ZFYVE27: variants seen among roughly 807,000 people sequenced by gnomAD.
The protein encoded by ZFYVE27 is protrudin.
Under a neutral mutation model 52.8 loss-of-function variants are expected in ZFYVE27, and 36 were observed. That is an observed-to-expected ratio of 0.68 (90% CI 0.52 to 0.90). The LOEUF (loss-of-function observed/expected upper bound fraction) is 0.90, where lower values mean the gene tolerates loss of function less well. Ranked by LOEUF, ZFYVE27 falls within the 40% of genes least tolerant of loss-of-function variation. ZFYVE27 has a pLI of 0.00. For synonymous variants in ZFYVE27, 223 were observed against 215.6 expected (o/e 1.03, Z -0.30); for missense variants, 450 against 527.2 (o/e 0.85, Z 1.43).
chr10:97,753,049 G>A lies in ZFYVE27; in HGVS notation c.909G>A (p.Glu303=), dbSNP rs753887094. The part of the protein sequence containing the change: ...ETHLVVLEDD[E]GAPCPAEDEL... ...AGCTGTTCCCACAGGAGGATGATGAGGGCGCCCCGTGCCCAGCAGAGGATG... is the reference window on the plus strand; with the variant it reads ...AGCTGTTCCCACAGGAGGATGATGAAGGCGCCCCGTGCCCAGCAGAGGATG... The change falls in exon 10 of 13, where the codon GAG becomes GAA. Residue 303 remains glutamate, a synonymous_variant. Coordinates refer to ENST00000684270, the MANE Select transcript of ZFYVE27 (RefSeq NM_001385875.1). 2 of 1,612,262 alleles carry A rather than the reference G, an allele frequency of 1.2e-6. No individual in the cohort carries two copies. The highest frequency in any genetic ancestry group is 1.7e-5 in the Admixed American group (1 of 59,708).
intron 2 of ZFYVE27, among the ~76,000 whole-genome samples, chr10:97,740,473 TTGTA>T (rs2043322407): frequency 6.6e-6 from 1 of 152,232 alleles, no homozygotes; most frequent in Non-Finnish European, 1.5e-5. Context: ...GGCACATTCT[TTGTA>T]TGTGTGTGTT....
In ZFYVE27 at chr10:97,745,547, G is replaced by C. The variant is rs1466202177; in HGVS notation, c.455+632G>C. On this transcript the variant is annotated intron_variant, in intron 4 of 12. Coordinates refer to ENST00000684270, the MANE Select transcript of ZFYVE27 (RefSeq NM_001385875.1). ...ATGTGCATGTATAAGCCACTGCCTG[G>C]GTTCAAATCCCAGCTCTTCCATTTA... is the stretch of plus-strand genomic sequence containing the variant. 3.3e-5 allele frequency among the ~76,000 whole-genome samples: 5 copies of C among 152,148 alleles called. No individual in the cohort carries two copies. The South Asian group carries it at 8.3e-4, about 25-fold the overall frequency.
intron 8 of ZFYVE27, 83 bp from the exon 9 acceptor site, chr10:97,752,774 G>A: frequency 4.6e-6 from 7 of 1,516,410 alleles, no homozygotes; most frequent in Non-Finnish European, 5.4e-6. Flanking sequence ...CCTTCTGCTT[G>A]GGGGCCCCTC....
In ZFYVE27 at chr10:97,737,914, G is replaced by A. The variant is rs72835972; in HGVS notation, c.-1-563G>A. On this transcript the variant is annotated intron_variant, in intron 1 of 12. Coordinates refer to ENST00000684270, the MANE Select transcript of ZFYVE27 (RefSeq NM_001385875.1). ...CGGTATTTCATTCACTCATTCAGCA[G>A]GCATTTGTTAAGCACCCACTGTGTA... is the stretch of plus-strand genomic sequence containing the variant. Among the ~76,000 whole-genome samples the A allele has an allele frequency of 2.0e-5, 3 of 152,244 alleles. No individual in the cohort carries two copies. In the East Asian group the frequency reaches 5.8e-4, roughly 29 times the overall value.
rs1242876900 is a variant in ZFYVE27 at position 97,759,320 on chromosome 10, A to G, written c.*20A>G. Reference sequence around the variant, plus strand: ...AAGTGAGAAGAGAGGCCAGGGTCCAACCAGGCACCCGTCCTTGGGACCAGC... The same window carrying G: ...AAGTGAGAAGAGAGGCCAGGGTCCAGCCAGGCACCCGTCCTTGGGACCAGC... On this transcript the variant is annotated 3_prime_UTR_variant, in exon 13 of 13. Coordinates refer to ENST00000684270, the MANE Select transcript of ZFYVE27 (RefSeq NM_001385875.1). The G allele has an allele frequency of 8.1e-6, 13 of 1,613,916 alleles. No individual in the cohort carries two copies. Among genetic ancestry groups the G allele is most frequent in the Non-Finnish European group, 1.1e-5 (13 of 1,179,950 alleles).
intron 4 of ZFYVE27, 135 bp downstream of exon 4, chr10:97,745,050 G>A (rs1235631977): frequency 4.7e-6 from 5 of 1,067,810 alleles, no homozygotes; most frequent in Admixed American, 2.1e-5. Flanking sequence ...TAACAGTTCC[G>A]GGAGGTAGTT....
intron 4 of ZFYVE27, among the ~76,000 whole-genome samples, chr10:97,746,568 G>A (rs1346999866): frequency 6.6e-6 from 1 of 152,164 alleles, no homozygotes; most frequent in East Asian, 1.9e-4. Context: ...AATATCCACA[G>A]AGCTGTAATC....
Position 97,753,031 on chromosome 10 carries a change from C to T in ZFYVE27, c.898-7C>T. On this transcript the variant is annotated splice_polypyrimidine_tract_variant and splice_region_variant and intron_variant, in intron 9 of 12. Coordinates refer to ENST00000684270, the MANE Select transcript of ZFYVE27 (RefSeq NM_001385875.1). ...GTGGGCAGGACTGGAAGGAGCTGTT[C>T]CCACAGGAGGATGATGAGGGCGCCC... 6.2e-7 allele frequency: 1 copy of T among 1,612,718 alleles called. No homozygotes were observed. Among genetic ancestry groups the T allele is most frequent in the Non-Finnish European group, 8.5e-7 (1 of 1,179,516 alleles).
At chr10:97,751,495 G>T (rs752760824) in intron 8 of ZFYVE27, 33 bp downstream of exon 8, 2 of 1,609,502 alleles carry the variant, frequency 1.2e-6, no homozygotes, top group South Asian at 2.2e-5. Context: ...CCTCTACTCA[G>T]CAGGCCAGAA....
intron 6 of ZFYVE27, 55 bp from the exon 7 acceptor site, chr10:97,750,276 G>A: frequency 6.2e-7 from 1 of 1,608,048 alleles, no homozygotes; most frequent in Non-Finnish European, 8.5e-7. Flanking sequence ...CCCCTAAAGT[G>A]CCACTCACGG....
intron 10 of ZFYVE27, among the ~76,000 whole-genome samples, chr10:97,756,437 G>A (rs1467073548): frequency 6.6e-6 from 1 of 152,120 alleles, no homozygotes; most frequent in African/African-American, 2.4e-5. Context: ...AAAGCTTTGG[G>A]GCCTTTCTGT....
intron 2 of ZFYVE27, among the ~76,000 whole-genome samples, chr10:97,741,869 G>A (rs1039245352): frequency 3.9e-5 from 6 of 152,140 alleles, no homozygotes; most frequent in Admixed American, 2.6e-4. Flanking sequence ...GGTAGCTTAC[G>A]CCTTTAATCC....
intron 6 of ZFYVE27, 129 bp from the exon 7 acceptor site, chr10:97,750,202 G>A: frequency 6.6e-6 from 8 of 1,205,130 alleles, no homozygotes; most frequent in Non-Finnish European, 9.6e-6. Context: ...CTCGCTCAGA[G>A]TTAGGAGGGT....
intron 2 of ZFYVE27, among the ~76,000 whole-genome samples, chr10:97,740,366 G>T (rs1287660626): frequency 6.6e-6 from 1 of 152,228 alleles, no homozygotes; most frequent in Non-Finnish European, 1.5e-5. Context: ...CTTCCCACAA[G>T]GGGTAGGGAG....
At chr10:97,751,196 A>G (rs1406148537) in intron 7 of ZFYVE27, among the ~76,000 whole-genome samples, 195 bp from the exon 8 acceptor site, 4 of 152,270 alleles carry the variant, frequency 2.6e-5, no homozygotes, top group Admixed American at 2.0e-4. Flanking sequence ...CTGTAGGGCC[A>G]GCTGTGCTCG....
At chr10:97,739,896 T>TTTG (rs1394679069) in intron 2 of ZFYVE27, among the ~76,000 whole-genome samples, 3 of 151,832 alleles carry the variant, frequency 2.0e-5, no homozygotes, top group African/African-American at 4.8e-5. Flanking sequence ...TTTTTTTTTT[T>TTTG]TTTTGCAAAG....
chr10:97,740,810 G>A (rs1306668137), intron 2 of ZFYVE27, among the ~76,000 whole-genome samples: 1 of 152,130 alleles, frequency 6.6e-6, no homozygotes, highest in African/African-American at 2.4e-5. Flanking sequence ...CCTAATCTTG[G>A]GCTCTGGCTA....
chr10:97,754,930 C>A (rs942600104), intron 10 of ZFYVE27: 1 of 757,506 alleles, frequency 1.3e-6, no homozygotes, highest in Non-Finnish European at 1.6e-6. Flanking sequence ...AGACTTTGGC[C>A]TGGAAATGGT....
At chr10:97,757,081 C>T in intron 10 of ZFYVE27, 184 bp from the exon 11 acceptor site, 1 of 704,892 alleles carries the variant, frequency 1.4e-6, no homozygotes, top group South Asian at 1.7e-5. Context: ...TCCTCAGGGG[C>T]TATCAGTCTT....
Sources: allele counts gnomAD v4.1 joint callset (sites outside exome capture counted in the v4.1 genomes callset), GRCh38; gene constraint gnomAD v4.1.1; transcripts MANE v1.5; gene names NCBI Gene and HGNC (gene_info 2026-07-23, HGNC 2026-07-21).